Variants in PTPN12 observed in about 807,000 individuals in gnomAD.
The protein encoded by PTPN12 is tyrosine-protein phosphatase non-receptor type 12.
In PTPN12, 29 loss-of-function variants were observed where a neutral mutation model predicts 97.6. The ratio of observed to expected loss-of-function variants is 0.30; its 90% CI spans 0.22 to 0.41. The LOEUF (loss-of-function observed/expected upper bound fraction) is 0.41. Ranked by LOEUF, PTPN12 falls within the 10% of genes least tolerant of loss-of-function variation. The probability of loss-of-function intolerance (pLI) is 1.00; values close to 1 mark genes in which losing one functional copy is unlikely to be tolerated. For synonymous variants in PTPN12, 327 were observed against 300.4 expected (o/e 1.09, Z -0.91); for missense variants, 819 against 926.0 (o/e 0.88, Z 1.50).
At chr7:77,618,626 A>G in intron 12 of PTPN12, 61 bp downstream of exon 12, 1 of 1,118,482 alleles carries the variant, frequency 8.9e-7, no homozygotes, top group Non-Finnish European at 1.3e-6. Flanking sequence ...ACTGTTAATT[A>G]AAATGACAAA....
chr7:77,547,215 C>T (rs968578072), intron 1 of PTPN12, among the ~76,000 whole-genome samples: 2 of 152,132 alleles, frequency 1.3e-5, no homozygotes, highest in African/African-American at 4.8e-5. Context: ...ATGGAGATAC[C>T]TGAGTGCCCA....
intron 16 of PTPN12, among the ~76,000 whole-genome samples, chr7:77,637,386 T>C (rs1365624334): frequency 6.6e-6 from 1 of 152,210 alleles, no homozygotes; most frequent in Non-Finnish European, 1.5e-5. Context: ...TGGAATTGCT[T>C]CTGTAGAAAC....
chr7:77,581,525 T>G, intron 3 of PTPN12, 22 bp downstream of exon 3: 1 of 1,433,954 alleles, frequency 7.0e-7, no homozygotes, highest in Non-Finnish European at 9.6e-7. Context: ...CTTTAAATGG[T>G]GTTTCTCTGC....
intron 6 of PTPN12, among the ~76,000 whole-genome samples, chr7:77,596,022 A>G (rs756581324): frequency 6.6e-6 from 1 of 152,180 alleles, no homozygotes; most frequent in Non-Finnish European, 1.5e-5. Flanking sequence ...AATGTTAGGG[A>G]AAATCATGTG....
intron 3 of PTPN12, among the ~76,000 whole-genome samples, chr7:77,582,910 CTAAT>C (rs951967866): frequency 2.0e-5 from 3 of 151,576 alleles, no homozygotes; most frequent in African/African-American, 7.3e-5. Context: ...TAAATAAAAA[CTAAT>C]AAATTGATAG....
chr7:77,626,834 T>C lies in PTPN12; in HGVS notation c.1155T>C (p.Asp385=), dbSNP rs760216932. Residue 385 remains aspartate (D), a synonymous_variant, in exon 13 of 18, where the codon GAT becomes GAC. Transcript: ENST00000248594. ...TCACTACTGTGTGGCAGGACAATGATAGATACCATCCAAAGCCAGTGTTGC... is the reference window on the plus strand; with the variant it reads ...TCACTACTGTGTGGCAGGACAATGACAGATACCATCCAAAGCCAGTGTTGC... ...PTVTTVWQDN[D]RYHPKPVLHM... 4 of 1,614,046 alleles carry C rather than the reference T, an allele frequency of 2.5e-6. No homozygotes were observed. The highest frequency in any genetic ancestry group is 1.3e-5 in the African/African-American group (1 of 75,004).
chr7:77,540,709 T>G (rs1051713541), intron 1 of PTPN12, among the ~76,000 whole-genome samples: 3 of 151,982 alleles, frequency 2.0e-5, no homozygotes, highest in African/African-American at 7.3e-5. Context: ...AGCCGGTAGT[T>G]GGTGCTGCTT....
chr7:77,624,131 G>A (rs1269578563), intron 12 of PTPN12, among the ~76,000 whole-genome samples: 1 of 152,092 alleles, frequency 6.6e-6, no homozygotes, highest in East Asian at 1.9e-4. Flanking sequence ...GCCAGGTGTG[G>A]TAGTGCACAC....
At chr7:77,621,687 A>G (rs900836391) in intron 12 of PTPN12, among the ~76,000 whole-genome samples, 1 of 152,032 alleles carries the variant, frequency 6.6e-6, no homozygotes, top group Admixed American at 6.6e-5. Flanking sequence ...AAAAGTACAT[A>G]AGCCAATAAC....
At chr7:77,594,792 C>T (rs925736942) in intron 6 of PTPN12, among the ~76,000 whole-genome samples, 2 of 152,098 alleles carry the variant, frequency 1.3e-5, no homozygotes, top group Admixed American at 1.3e-4. Context: ...GCCACCACAC[C>T]CGGCCAAACA....
At chr7:77,547,863 G>C (rs1382378420) in intron 1 of PTPN12, among the ~76,000 whole-genome samples, 1 of 152,186 alleles carries the variant, frequency 6.6e-6, no homozygotes, top group Non-Finnish European at 1.5e-5. Flanking sequence ...GGTTTTAGAT[G>C]GGAAGAACAG....
chr7:77,555,741 C>T (rs1807679776), intron 1 of PTPN12, among the ~76,000 whole-genome samples: 1 of 151,994 alleles, frequency 6.6e-6, no homozygotes, highest in African/African-American at 2.4e-5. Context: ...GGTGAAACCC[C>T]ATCTCTACTA....
intron 14 of PTPN12, among the ~76,000 whole-genome samples, chr7:77,632,711 C>A (rs1325908200): frequency 6.6e-6 from 1 of 151,980 alleles, no homozygotes; most frequent in Non-Finnish European, 1.5e-5. Flanking sequence ...GATCCTAGCA[C>A]TTTGGGAGGC....
rs1445745027 is a variant in PTPN12, at chr7:77,626,215, A to AC, written c.1026-489dup. Among the ~76,000 whole-genome samples the AC allele has an allele frequency of 5.9e-5, 9 of 152,338 alleles. No homozygotes were observed. The East Asian group carries it at 1.7e-3, about 29-fold the overall frequency. ...AAGGCAGTCATTAGGGGAAAACAAG[A>AC]CACTATAGAAGAAAAGATACGAAAT... On this transcript the variant is annotated intron_variant, in intron 12 of 17. Transcript: ENST00000248594.
rs1491229940 is a variant in PTPN12, at chr7:77,625,470, T to TCGCTCGCGCGCG, written c.1026-1230_1026-1229insGCGCGCGCGCTC. ...GGTTTTGCCATATTGCCCAGGCTGC[T>TCGCTCGCGCGCG]CGCTCTCTCTCTCTCTCTCTCTCTC... On this transcript the variant is annotated intron_variant, in intron 12 of 17. Coordinates refer to ENST00000248594, the MANE Select transcript of PTPN12 (RefSeq NM_002835.4). Among the ~76,000 whole-genome samples, 120 of 45,046 alleles carry TCGCTCGCGCGCG rather than the reference T, an allele frequency of 2.7e-3. 7 individuals are homozygous for TCGCTCGCGCGCG. The highest frequency in any genetic ancestry group is 5.9e-3 in the South Asian group (6 of 1,014). The allele number at this position is 45,046 out of a possible 152,430, so 29.6% of individuals were successfully genotyped here. A position where few individuals can be genotyped will look rare whatever the true frequency, so the allele number is the denominator to read the frequency against.
rs1342374407 is a variant in PTPN12, at chr7:77,627,642, A to G, written c.1963A>G (p.Ile655Val). The change falls in exon 13 of 18, where the codon ATA becomes GTA. Residue 655 changes from isoleucine (I) to valine (V), a missense_variant. By Grantham distance (29) the Ile-to-Val change is conservative (BLOSUM62 3). Transcript: ENST00000248594. ...GCCAATGTCCATTGCTAGACATAATATAGCAGGAACAACACATTCAGGTGC... is the reference window on the plus strand; with the variant it reads ...GCCAATGTCCATTGCTAGACATAATGTAGCAGGAACAACACATTCAGGTGC... Reference protein sequence around the residue: ...VLPMSIARHNIAGTTHSGAEK... With the variant: ...VLPMSIARHNVAGTTHSGAEK... 2 of 1,596,754 alleles carry G rather than the reference A, an allele frequency of 1.3e-6. No individual in the cohort carries two copies. The highest frequency in any genetic ancestry group is 1.7e-6 in the Non-Finnish European group (2 of 1,172,106).
At position 77,627,693 on chromosome 7, in the gene PTPN12, A is replaced by G. The variant is rs374170860; in HGVS notation, c.1996+18A>G. On this transcript the variant is annotated intron_variant, in intron 13 of 17. Coordinates refer to ENST00000248594, the MANE Select transcript of PTPN12 (RefSeq NM_002835.4). Reference sequence around the variant, plus strand: ...TGAAAAAGGTAATAATATAGTGTCAAATACTTAAATGTCTTTCCTATGTGC... The same window carrying G: ...TGAAAAAGGTAATAATATAGTGTCAGATACTTAAATGTCTTTCCTATGTGC... 14 of 1,526,204 alleles carry G rather than the reference A, an allele frequency of 9.2e-6. No homozygotes were observed. Among genetic ancestry groups the G allele is most frequent in the Middle Eastern group, 1.7e-4 (1 of 5,716 alleles). 94.5% of individuals were successfully genotyped at this position (1,526,204 alleles called of 1,614,324 possible). A position where few individuals can be genotyped will look rare whatever the true frequency, so the allele number is the denominator to read the frequency against.
chr7:77,580,232 G>A (rs1787471008), intron 2 of PTPN12, among the ~76,000 whole-genome samples: 1 of 152,242 alleles, frequency 6.6e-6, no homozygotes, highest in Non-Finnish European at 1.5e-5. Flanking sequence ...GGGAGCCTGA[G>A]CCAGGAAGAT....
chr7:77,597,880 A>T lies in PTPN12; in HGVS notation c.531A>T (p.Thr177=). The change falls in exon 7 of 18, where the codon ACA becomes ACT. Residue 177 remains threonine, a synonymous_variant. Coordinates refer to ENST00000248594, the MANE Select transcript of PTPN12 (RefSeq NM_002835.4). Reference sequence around the variant, plus strand: ...CAAGAACAGACTACTTCATCAGGACACTCTTACTTGAATTTCAAAATGTAG... The same window carrying T: ...CAAGAACAGACTACTTCATCAGGACTCTCTTACTTGAATTTCAAAATGTAG... ...EQARTDYFIR[T]LLLEFQNESR... is the part of the protein sequence containing the mutation. 6.2e-7 allele frequency: 1 copy of T among 1,612,472 alleles called. No homozygotes were observed. The highest frequency in any genetic ancestry group is 8.5e-7 in the Non-Finnish European group (1 of 1,179,396).
Sources: gnomAD v4.1 joint callset for allele counts (sites outside exome capture counted in the v4.1 genomes callset) on GRCh38, gnomAD v4.1.1 for gene constraint, MANE v1.5 for transcripts, NCBI Gene and HGNC (gene_info 2026-07-23, HGNC 2026-07-21) for gene names.